Variants in RBFOX1 observed in about 807,000 individuals in gnomAD.
RBFOX1 encodes the protein RNA binding fox-1 homolog 1.
A neutral mutation model predicts 57.7 loss-of-function variants in RBFOX1; 8 were observed. The observed-to-expected ratio is 0.14, with a 90% CI of 0.08 to 0.25. RBFOX1 has a LOEUF of 0.25. Among genes scored for constraint, RBFOX1 ranks in the 10% least tolerant of loss-of-function variants. The probability of loss-of-function intolerance (pLI) is 1.00; values close to 1 mark genes in which losing one functional copy is unlikely to be tolerated. For missense variants in RBFOX1, 611 were observed against 548.5 expected (o/e 1.11, Z -1.14); for synonymous variants, 326 against 222.4 (o/e 1.47, Z -4.15).
intron 2 of RBFOX1, among the ~76,000 whole-genome samples, chr16:6,387,328 C>G (rs1395799894): frequency 6.6e-6 from 1 of 152,102 alleles, no homozygotes; most frequent in Non-Finnish European, 1.5e-5. Flanking sequence ...GGAATCCACT[C>G]AGAGCACTCA....
intron 4 of RBFOX1, among the ~76,000 whole-genome samples, chr16:5,911,690 A>T (rs1023342223): frequency 1.3e-5 from 2 of 152,186 alleles, no homozygotes; most frequent in African/African-American, 4.8e-5. Flanking sequence ...ACAGCTCTGG[A>T]GTCTGGGAAG....
chr16:6,102,177 C>CAAA (rs371780023), intron 1 of RBFOX1, among the ~76,000 whole-genome samples: 3,132 of 113,946 alleles, frequency 0.027, 67 homozygotes, highest in Non-Finnish European at 0.035. Flanking sequence ...CTCTTTCAGC[C>CAAA]AAAAAAAAAA....
intron 1 of RBFOX1, among the ~76,000 whole-genome samples, chr16:5,452,071 C>T (rs2068441669): frequency 6.6e-6 from 1 of 152,030 alleles, no homozygotes; most frequent in Non-Finnish European, 1.5e-5. Flanking sequence ...GGGCCCAAGC[C>T]CCCAAGTCTT....
At chr16:7,261,325 G>T (rs2094911016) in intron 4 of RBFOX1, among the ~76,000 whole-genome samples, 1 of 152,164 alleles carries the variant, frequency 6.6e-6, no homozygotes, top group Admixed American at 6.5e-5. Context: ...AAGTTGGCTT[G>T]TGGTTATATC....
At chr16:6,473,731 A>G (rs1162884963) in intron 2 of RBFOX1, among the ~76,000 whole-genome samples, 1 of 152,178 alleles carries the variant, frequency 6.6e-6, no homozygotes, top group Non-Finnish European at 1.5e-5. Context: ...AAAATTTTAT[A>G]GTAGATAAAT....
chr16:7,028,484 G>A (rs1170071421), intron 3 of RBFOX1, among the ~76,000 whole-genome samples: 1 of 151,682 alleles, frequency 6.6e-6, no homozygotes, highest in Non-Finnish European at 1.5e-5. Context: ...CTCCTTGGGA[G>A]GCTGAGGCAG....
intron 3 of RBFOX1, among the ~76,000 whole-genome samples, chr16:5,744,333 G>T (rs190517339): frequency 6.6e-6 from 1 of 152,252 alleles, no homozygotes; most frequent in East Asian, 1.9e-4. Context: ...TGACTGCCTT[G>T]TGTTTTAATT....
chr16:5,580,266 G>A (rs938836098), intron 2 of RBFOX1, among the ~76,000 whole-genome samples: 4 of 152,216 alleles, frequency 2.6e-5, no homozygotes, highest in Non-Finnish European at 5.9e-5. Flanking sequence ...GCTCTTCTGG[G>A]TTCTGGGAGC....
chr16:6,483,226 G>T, intron 2 of RBFOX1: 3 of 1,227,584 alleles, frequency 2.4e-6, no homozygotes, highest in East Asian at 3.9e-5. Flanking sequence ...GCCGGACCCG[G>T]GCCCTGGCGC....
chr16:6,362,377 A>G (rs2088729310), intron 2 of RBFOX1, among the ~76,000 whole-genome samples: 1 of 152,100 alleles, frequency 6.6e-6, no homozygotes, highest in Non-Finnish European at 1.5e-5. Context: ...CCTGCTTCCC[A>G]AATGCTTGGG....
At chr16:7,585,673 G>A (rs2094073208) in intron 6 of RBFOX1, among the ~76,000 whole-genome samples, 1 of 152,148 alleles carries the variant, frequency 6.6e-6, no homozygotes. Flanking sequence ...TTTCAAGATT[G>A]GGCTGTCTGT....
intron 1 of RBFOX1, among the ~76,000 whole-genome samples, chr16:5,384,811 C>G (rs1015313429): frequency 2.0e-4 from 31 of 152,192 alleles, no homozygotes; most frequent in African/African-American, 7.5e-4. Context: ...GGATGCTTCA[C>G]GTATAAATGT....
chr16:7,684,124 A>G (rs867856247), intron 14 of RBFOX1, among the ~76,000 whole-genome samples: 12 of 152,128 alleles, frequency 7.9e-5, no homozygotes, highest in African/African-American at 2.9e-4. Flanking sequence ...ATTCTTTTCC[A>G]GAAGAACTGA....
intron 1 of RBFOX1, among the ~76,000 whole-genome samples, chr16:5,415,679 A>T (rs566002682): frequency 1.3e-5 from 2 of 152,224 alleles, no homozygotes; most frequent in African/African-American, 2.4e-5. Context: ...CTGGTTTTCT[A>T]TTCACAGTAG....
At chr16:6,504,795 C>T (rs2096046339) in intron 2 of RBFOX1, among the ~76,000 whole-genome samples, 1 of 152,134 alleles carries the variant, frequency 6.6e-6, no homozygotes, top group Admixed American at 6.5e-5. Context: ...GTGGCTCACG[C>T]CTGTAATCCC....
intron 1 of RBFOX1, among the ~76,000 whole-genome samples, chr16:5,292,573 CT>C (rs1207598098): frequency 2.6e-5 from 4 of 152,148 alleles, no homozygotes; most frequent in South Asian, 2.1e-4. Context: ...ATCACTCCCC[CT>C]GATTGGTGGA....
intron 1 of RBFOX1, among the ~76,000 whole-genome samples, chr16:6,265,031 T>C (rs1049706368): frequency 6.6e-6 from 1 of 152,114 alleles, no homozygotes; most frequent in Non-Finnish European, 1.5e-5. Context: ...ATTTCCAATA[T>C]TGTGGGTGGG....
chr16:5,393,542 C>T (rs545432645), intron 1 of RBFOX1, among the ~76,000 whole-genome samples: 1 of 152,192 alleles, frequency 6.6e-6, no homozygotes, highest in Non-Finnish European at 1.5e-5. Flanking sequence ...ATGGGTCTTT[C>T]TGAGGATTTT....
At chr16:5,966,141 A>C (rs2059839210) in intron 4 of RBFOX1, among the ~76,000 whole-genome samples, 1 of 152,214 alleles carries the variant, frequency 6.6e-6, no homozygotes, top group East Asian at 1.9e-4. Flanking sequence ...CAAATTGTAA[A>C]TTCATTGCTC....
Sources: gnomAD v4.1 joint callset for allele counts (sites outside exome capture counted in the v4.1 genomes callset) on GRCh38, gnomAD v4.1.1 for gene constraint, MANE v1.5 for transcripts, NCBI Gene and HGNC (gene_info 2026-07-23, HGNC 2026-07-21) for gene names.